TAFA2: variants seen among roughly 807,000 people sequenced by gnomAD.
TAFA2 encodes chemokine-like protein TAFA-2.
In TAFA2, 7 loss-of-function variants were observed where a neutral mutation model predicts 18.8. The observed-to-expected ratio is 0.37, with a 90% confidence interval of 0.21 to 0.70. The LOEUF is 0.70. Ranked by LOEUF, TAFA2 falls within the 30% of genes least tolerant of loss-of-function variation. TAFA2 has a pLI of 0.53. For synonymous variants in TAFA2, 60 were observed against 54.2 expected (o/e 1.11, Z -0.47); for missense variants, 122 against 158.1 (o/e 0.77, Z 1.23).
At chr12:62,175,076 T>A (rs2062503160) in intron 1 of TAFA2, among the ~76,000 whole-genome samples, 1 of 152,204 alleles carries the variant, frequency 6.6e-6, no homozygotes, top group African/African-American at 2.4e-5. Flanking sequence ...CCAGAATTAA[T>A]TATTGAATGA....
intron 1 of TAFA2, among the ~76,000 whole-genome samples, chr12:61,926,783 G>A (rs1440736616): frequency 6.6e-6 from 1 of 152,038 alleles, no homozygotes. Context: ...TTGAAAATGG[G>A]CACAAGAGGG....
At chr12:62,211,537 G>A (rs982267352) in intron 1 of TAFA2, among the ~76,000 whole-genome samples, 1 of 150,590 alleles carries the variant, frequency 6.6e-6, no homozygotes, top group Non-Finnish European at 1.5e-5. Flanking sequence ...CCAAGATTGT[G>A]CTGCTGCACT....
rs561137098 is a variant in TAFA2, at chr12:62,145,260, C to T, written c.-2+45999G>A. Among the ~76,000 whole-genome samples the T allele has an allele frequency of 2.8e-4, 43 of 152,284 alleles. No homozygotes were observed. The South Asian group carries it at 3.5e-3, about 12-fold the overall frequency. The stretch of plus-strand genomic sequence containing the variant: ...GGAAAGAGGCCACACAACAGGTGAG[C>T]GGTAGTCCAGAGAGCAGTACCGCCT... On this transcript the variant is annotated intron_variant, in intron 1 of 4. Transcript: ENST00000416284.
chr12:61,842,077 C>T (rs2121127480), intron 2 of TAFA2, among the ~76,000 whole-genome samples: 1 of 152,006 alleles, frequency 6.6e-6, no homozygotes, highest in Non-Finnish European at 1.5e-5. Flanking sequence ...ATGGCACTGT[C>T]TCCATAAGGA....
At chr12:61,963,187 C>T (rs1195402999) in intron 1 of TAFA2, among the ~76,000 whole-genome samples, 3 of 151,956 alleles carry the variant, frequency 2.0e-5, no homozygotes, top group Non-Finnish European at 4.4e-5. Flanking sequence ...AATAAACATA[C>T]ATGTACGTGT....
chr12:62,010,987 C>T (rs1216471650), intron 1 of TAFA2, among the ~76,000 whole-genome samples: 4 of 132,722 alleles, frequency 3.0e-5, no homozygotes, highest in Non-Finnish European at 6.3e-5. Context: ...CGCCTCTGCC[C>T]GGCCACCCCG....
At chr12:61,925,410 T>C (rs1877245779) in intron 1 of TAFA2, among the ~76,000 whole-genome samples, 1 of 152,104 alleles carries the variant, frequency 6.6e-6, no homozygotes, top group Admixed American at 6.6e-5. Flanking sequence ...TGCAATCAAA[T>C]TAGAACTCAG....
chr12:62,109,421 C>T (rs1436431052), intron 1 of TAFA2, among the ~76,000 whole-genome samples: 1 of 152,172 alleles, frequency 6.6e-6, no homozygotes, highest in Non-Finnish European at 1.5e-5. Context: ...TATGATGCCT[C>T]CACCTTTGTT....
intron 1 of TAFA2, chr12:61,880,836 G>A: frequency 3.5e-6 from 1 of 281,966 alleles, no homozygotes; most frequent in African/African-American, 2.2e-5. Context: ...CATGAGAGAG[G>A]CCACTGTGCA....
intron 1 of TAFA2, among the ~76,000 whole-genome samples, chr12:62,087,203 A>G (rs1868490834): frequency 6.6e-6 from 1 of 152,070 alleles, no homozygotes; most frequent in African/African-American, 2.4e-5. Context: ...AGCTGAAAAA[A>G]GTCATGGAGA....
intron 1 of TAFA2, among the ~76,000 whole-genome samples, chr12:62,035,863 T>G (rs1484843103): frequency 6.9e-6 from 1 of 144,298 alleles, no homozygotes; most frequent in African/African-American, 2.6e-5. Flanking sequence ...TGCCTCAGCC[T>G]CCGGTGTAGC....
intron 2 of TAFA2, among the ~76,000 whole-genome samples, chr12:61,820,144 C>T (rs1234823308): frequency 6.6e-6 from 1 of 152,010 alleles, no homozygotes; most frequent in Non-Finnish European, 1.5e-5. Context: ...CAATACTCCT[C>T]AGTACATCAA....
intron 2 of TAFA2, among the ~76,000 whole-genome samples, chr12:61,802,844 C>T (rs1871454079): frequency 6.6e-6 from 1 of 151,846 alleles, no homozygotes; most frequent in Admixed American, 6.6e-5. Context: ...TGGAATATCA[C>T]TCTATATTCC....
intron 1 of TAFA2, among the ~76,000 whole-genome samples, chr12:61,972,273 C>T (rs1338279065): frequency 7.0e-6 from 1 of 143,412 alleles, no homozygotes; most frequent in Non-Finnish European, 1.5e-5. Context: ...ACAAAACTGC[C>T]AAATACTTAA....
intron 1 of TAFA2, among the ~76,000 whole-genome samples, chr12:62,110,851 T>G (rs1018781254): frequency 6.6e-5 from 10 of 152,108 alleles, no homozygotes; most frequent in African/African-American, 2.4e-4. Flanking sequence ...CTTTATCATT[T>G]TTTATTGTGT....
intron 4 of TAFA2, among the ~76,000 whole-genome samples, chr12:61,747,277 C>T (rs1868763377): frequency 6.8e-6 from 1 of 146,402 alleles, no homozygotes; most frequent in Non-Finnish European, 1.5e-5. Flanking sequence ...GGACTGTAAA[C>T]TAGTTCAACC....
At chr12:61,763,489 T>C (rs917554167) in intron 2 of TAFA2, among the ~76,000 whole-genome samples, 2 of 151,990 alleles carry the variant, frequency 1.3e-5, no homozygotes, top group South Asian at 4.1e-4. Context: ...CACCCACATT[T>C]TAAATGACAG....
intron 1 of TAFA2, among the ~76,000 whole-genome samples, chr12:61,926,453 T>C (rs1274211995): frequency 6.6e-6 from 1 of 152,162 alleles, no homozygotes; most frequent in Non-Finnish European, 1.5e-5. Context: ...CTCAATAAAA[T>C]ACGGGCAAAC....
At chr12:61,879,499 G>A in intron 1 of TAFA2, 2 of 700,018 alleles carry the variant, frequency 2.9e-6, no homozygotes, top group Admixed American at 2.0e-5. Flanking sequence ...CAGCGGTATT[G>A]GAGGGATCAC....
Sources: gnomAD v4.1 joint callset for allele counts (sites outside exome capture counted in the v4.1 genomes callset) on GRCh38, gnomAD v4.1.1 for gene constraint, MANE v1.5 for transcripts, NCBI Gene and HGNC (gene_info 2026-07-23, HGNC 2026-07-21) for gene names.